NFASC: variants seen among roughly 807,000 people sequenced by gnomAD.
The protein encoded by NFASC is neurofascin homolog.
NFASC carries 43 observed loss-of-function variants against 147.5 expected under a neutral mutation model. The observed-to-expected ratio is 0.29, with a 90% confidence interval of 0.23 to 0.38. The LOEUF is 0.38. Ranked by LOEUF, NFASC falls within the 10% of genes least tolerant of loss-of-function variation. NFASC has a pLI of 1.00. For missense variants in NFASC, 1,320 were observed against 1,689.0 expected, an observed-to-expected ratio of 0.78 and a Z score of 3.83; for synonymous variants, 622 against 665.5, an observed-to-expected ratio of 0.93 and a Z score of 1.01.
intron 28 of NFASC, 76 bp from the exon 29 acceptor site, chr1:205,012,721 A>G (rs772480981): frequency 2.7e-6 from 3 of 1,108,198 alleles, no homozygotes; most frequent in African/African-American, 3.1e-5. Context: ...CTGGCCCTGC[A>G]TTCAGTGGAG....
chr1:204,950,407 C>T (rs1046124093), intron 3 of NFASC, 150 bp from the exon 4 acceptor site: 2 of 728,050 alleles, frequency 2.7e-6, no homozygotes, highest in Non-Finnish European at 4.9e-6. Context: ...GGCTTTGCAG[C>T]CAGGAGGAGA....
At chr1:204,961,311 A>G (rs192798690) in intron 8 of NFASC, among the ~76,000 whole-genome samples, 6 of 152,308 alleles carry the variant, frequency 3.9e-5, no homozygotes, top group Admixed American at 3.9e-4. Flanking sequence ...TAGTCTAGAG[A>G]GCTTCGAACC....
At chr1:204,886,361 T>C (rs2081313502) in intron 1 of NFASC, among the ~76,000 whole-genome samples, 1 of 152,362 alleles carries the variant, frequency 6.6e-6, no homozygotes, top group South Asian at 2.1e-4. Context: ...TTGTAAAAAG[T>C]AATTATTCTC....
intron 2 of NFASC, among the ~76,000 whole-genome samples, chr1:204,927,101 G>A (rs189736773): frequency 1.3e-5 from 2 of 152,218 alleles, no homozygotes; most frequent in East Asian, 3.9e-4. Flanking sequence ...TAGATAGATA[G>A]ATGGATGGAT....
chr1:204,918,356 T>G (rs2089740326), intron 1 of NFASC, among the ~76,000 whole-genome samples: 1 of 152,132 alleles, frequency 6.6e-6, no homozygotes, highest in East Asian at 1.9e-4. Context: ...AAACATGGAT[T>G]TTTTTGCAAT....
intron 1 of NFASC, among the ~76,000 whole-genome samples, chr1:204,913,984 C>A (rs1230732147): frequency 6.6e-6 from 1 of 151,252 alleles, no homozygotes; most frequent in Non-Finnish European, 1.5e-5. Context: ...AAAAGAAGGC[C>A]TAAATATGAC....
intron 8 of NFASC, among the ~76,000 whole-genome samples, chr1:204,961,724 G>A (rs895465675): frequency 6.6e-6 from 1 of 152,222 alleles, no homozygotes; most frequent in Non-Finnish European, 1.5e-5. Context: ...AGAGTCCTGG[G>A]AACTGAGGAT....
At chr1:204,847,506 G>T (rs572837871) in intron 1 of NFASC, among the ~76,000 whole-genome samples, 1 of 152,280 alleles carries the variant, frequency 6.6e-6, no homozygotes, top group South Asian at 2.1e-4. Context: ...GGAAGGGCAG[G>T]TCTACTTCTC....
chr1:204,968,878 C>T lies in NFASC; in HGVS notation c.899C>T (p.Ala300Val), dbSNP rs201375081. ...GCCAAGTTTGAGAACTTTAATAAGGCCCTGCGTATCACAAATGTCTCTGAG... is the reference window on the plus strand; with the variant it reads ...GCCAAGTTTGAGAACTTTAATAAGGTCCTGCGTATCACAAATGTCTCTGAG... ...DKAKFENFNK[A>V]LRITNVSEED... The change falls in exon 10 of 30, where the codon GCC (alanine) becomes GTC (valine). Residue 300 changes from alanine (A) to valine (V), a missense_variant. Ala to Val is a moderately conservative substitution (Grantham distance 64, BLOSUM62 0). Around this residue, in one of 3 missense-constraint regions of NFASC, gnomAD observed 981 missense variants for 1,289.5 expected, o/e 0.76. Coordinates refer to ENST00000339876, the MANE Select transcript of NFASC (RefSeq NM_001005388.3). This position sits in a 1 kb window ranked among gnomAD's most constrained non-coding sequence, Gnocchi z 5.4. 2.5e-6 allele frequency: 4 copies of T among 1,613,956 alleles called. No homozygotes were observed. The East Asian group carries it at 6.7e-5, about 27-fold the overall frequency.
At chr1:204,860,535 A>C (rs1364727608) in intron 1 of NFASC, among the ~76,000 whole-genome samples, 1 of 152,238 alleles carries the variant, frequency 6.6e-6, no homozygotes, top group Non-Finnish European at 1.5e-5. Flanking sequence ...AGAATTTAGC[A>C]CAGAAATTCT....
chr1:204,939,066 G>GTGTGTGTGTA (rs2093144251), intron 2 of NFASC, among the ~76,000 whole-genome samples: 1 of 151,630 alleles, frequency 6.6e-6, no homozygotes, highest in African/African-American at 2.4e-5. Context: ...GTGTGTGTGT[G>GTGTGTGTGTA]TGTGTGTGTG....
chr1:204,922,825 G>A (rs191335737), intron 2 of NFASC, among the ~76,000 whole-genome samples: 11 of 152,282 alleles, frequency 7.2e-5, no homozygotes, highest in Admixed American at 5.9e-4. Context: ...GCTGTTGAGC[G>A]TACAGTAAGT....
At position 205,017,802 on chromosome 1, in the gene NFASC, G is replaced by C. The variant is rs1001458286; in HGVS notation, c.*1263G>C. On this transcript the variant is annotated 3_prime_UTR_variant, in exon 30 of 30. Transcript: ENST00000339876. ...TCATTGGGGTGTATACATATCAGGG[G>C]ACCCTGAGGTGGCACCGTACTCAGT... The C allele has an allele frequency of 6.5e-6, 1 of 152,758 alleles. No homozygotes were observed. Among genetic ancestry groups the C allele is most frequent in the East Asian group, 1.9e-4 (1 of 5,196 alleles). The allele number at this position is 152,758 out of a possible 1,614,324, so 9.5% of individuals were successfully genotyped here.
At chr1:204,985,009 A>C (rs2095586416) in intron 21 of NFASC, among the ~76,000 whole-genome samples, 1 of 152,190 alleles carries the variant, frequency 6.6e-6, no homozygotes, top group Admixed American at 6.5e-5. Context: ...CAGTAGGGGA[A>C]AGAAGGCAAC....
At chr1:205,011,348 T>A (rs1490765817) in intron 28 of NFASC, among the ~76,000 whole-genome samples, 1 of 152,166 alleles carries the variant, frequency 6.6e-6, no homozygotes, top group Non-Finnish European at 1.5e-5. Context: ...GATTGTCCCT[T>A]ACTGGTGAGC....
At chr1:204,878,932 G>A (rs1455637721) in intron 1 of NFASC, among the ~76,000 whole-genome samples, 1 of 152,224 alleles carries the variant, frequency 6.6e-6, no homozygotes, top group Non-Finnish European at 1.5e-5. Context: ...AACTGGTGGG[G>A]TGGGTTGCAC....
chr1:204,948,524 A>G, intron 3 of NFASC: 3 of 506,146 alleles, frequency 5.9e-6, no homozygotes, highest in Non-Finnish European at 1.2e-5. Flanking sequence ...CAAGGAGAGC[A>G]GAGTCCTGAG....
At chr1:204,958,303 T>C (rs1434357456) in intron 8 of NFASC, among the ~76,000 whole-genome samples, 1 of 152,242 alleles carries the variant, frequency 6.6e-6, no homozygotes, top group Non-Finnish European at 1.5e-5. Flanking sequence ...GCAGAAAATA[T>C]GAAAATTAGT....
intron 2 of NFASC, among the ~76,000 whole-genome samples, chr1:204,923,910 G>A (rs2091013548): frequency 6.6e-6 from 1 of 152,112 alleles, no homozygotes; most frequent in South Asian, 2.1e-4. Flanking sequence ...CTGCTGCCTC[G>A]CCAAGCCCAC....
Sources: gnomAD v4.1 joint callset for allele counts (sites outside exome capture counted in the v4.1 genomes callset) on GRCh38, gnomAD v4.1.1 for gene constraint, gnomAD v4.1.1 regional missense constraint, Gnocchi (gnomAD v3.1) non-coding constraint, MANE v1.5 for transcripts, NCBI Gene and HGNC (gene_info 2026-07-23, HGNC 2026-07-21) for gene names.